Variants in MYO16 observed in about 807,000 individuals in gnomAD.
MYO16 encodes myosin XVI.
Under a neutral mutation model 205.3 loss-of-function variants are expected in MYO16, and 94 were observed. That is an observed-to-expected ratio of 0.46 (90% CI 0.39 to 0.54). The LOEUF (loss-of-function observed/expected upper bound fraction) is 0.54, where lower values mean the gene tolerates loss of function less well. Among genes scored for constraint, MYO16 ranks in the 20% least tolerant of loss-of-function variants. MYO16 has a pLI of 0.00. For missense variants in MYO16, 2,315 were observed against 2,387.5 expected, an observed-to-expected ratio of 0.97 and a Z score of 0.63; for synonymous variants, 988 against 954.0, an observed-to-expected ratio of 1.04 and a Z score of -0.66.
chr13:108,649,782 G>T (rs1880918249), intron 1 of MYO16, among the ~76,000 whole-genome samples: 1 of 152,108 alleles, frequency 6.6e-6, no homozygotes, highest in Non-Finnish European at 1.5e-5. Context: ...CAATGAGGAG[G>T]GTTCTTATGT....
At chr13:108,820,620 T>G (rs1460848103) in intron 8 of MYO16, among the ~76,000 whole-genome samples, 1 of 151,984 alleles carries the variant, frequency 6.6e-6, no homozygotes, top group Non-Finnish European at 1.5e-5. Context: ...CAAGAGGCTA[T>G]TCACAGTTTA....
At chr13:108,998,156 T>C (rs1324217923) in intron 21 of MYO16, among the ~76,000 whole-genome samples, 1 of 151,502 alleles carries the variant, frequency 6.6e-6, no homozygotes, top group Non-Finnish European at 1.5e-5. Context: ...AAAAATGGAA[T>C]AGTAAATTAA....
intron 4 of MYO16, among the ~76,000 whole-genome samples, chr13:108,755,573 GC>G (rs1885396447): frequency 6.7e-6 from 1 of 149,628 alleles, no homozygotes. Context: ...AAAATCAAAG[GC>G]ATAGATCCTA....
intron 27 of MYO16, among the ~76,000 whole-genome samples, chr13:109,086,805 A>G (rs1379458020): frequency 1.3e-5 from 2 of 152,152 alleles, no homozygotes; most frequent in South Asian, 2.1e-4. Context: ...CTCAAAGGCA[A>G]CAGATCTATA....
intron 2 of MYO16, among the ~76,000 whole-genome samples, chr13:108,673,114 G>T (rs1482554769): frequency 6.6e-6 from 1 of 152,130 alleles, no homozygotes; most frequent in African/African-American, 2.4e-5. Flanking sequence ...CTACCTCAGG[G>T]CTTCCTGAGT....
chr13:108,601,375 A>T (rs531059334), intron 1 of MYO16, among the ~76,000 whole-genome samples: 35 of 152,268 alleles, frequency 2.3e-4, no homozygotes, highest in African/African-American at 7.9e-4. Context: ...AGATATTTTT[A>T]AAAAATGAGA....
chr13:108,750,681 C>T (rs1202821827), intron 4 of MYO16, among the ~76,000 whole-genome samples: 1 of 151,200 alleles, frequency 6.6e-6, no homozygotes, highest in Non-Finnish European at 1.5e-5. Flanking sequence ...GTGGCGTGCA[C>T]CTATAATCCC....
intron 16 of MYO16, among the ~76,000 whole-genome samples, chr13:108,933,968 A>G (rs963510047): frequency 1.3e-5 from 2 of 152,142 alleles, no homozygotes; most frequent in African/African-American, 4.8e-5. Flanking sequence ...TCCATGGTGT[A>G]TATGTACCAC....
At chr13:108,620,938 C>G (rs1879518741) in intron 1 of MYO16, among the ~76,000 whole-genome samples, 1 of 152,204 alleles carries the variant, frequency 6.6e-6, no homozygotes, top group South Asian at 2.1e-4. Context: ...CACCCCGCAG[C>G]CTGGCCTCTA....
At chr13:108,814,846 G>A (rs1474967785) in intron 7 of MYO16, among the ~76,000 whole-genome samples, 1 of 152,134 alleles carries the variant, frequency 6.6e-6, no homozygotes, top group Non-Finnish European at 1.5e-5. Context: ...CAGCATGAAT[G>A]AAAAATGCCA....
intron 7 of MYO16, among the ~76,000 whole-genome samples, chr13:108,815,003 C>CA (rs1875486548): frequency 1.3e-5 from 2 of 152,060 alleles, no homozygotes; most frequent in Non-Finnish European, 2.9e-5. Flanking sequence ...AAAGAATCTC[C>CA]AAAAAACTTT....
chr13:108,593,557 G>T (rs1302896488), upstream of MYO16, among the ~76,000 whole-genome samples: 2 of 152,162 alleles, frequency 1.3e-5, no homozygotes, highest in Admixed American at 1.3e-4. Context: ...TTGAAAGTGG[G>T]AAATAAAGAC....
intron 27 of MYO16, among the ~76,000 whole-genome samples, chr13:109,076,184 G>C (rs540036983): frequency 3.6e-4 from 54 of 151,816 alleles, no homozygotes; most frequent in Non-Finnish European, 6.9e-4. Flanking sequence ...TTTATTTATT[G>C]AAAGAAAAAG....
At chr13:108,556,608 C>A in the MYO16 span, among the ~76,000 whole-genome samples, 1 of 152,010 alleles carries the variant, frequency 6.6e-6, no homozygotes, top group East Asian at 1.9e-4. Flanking sequence ...TGATTGTTTC[C>A]TTTTCTATGA....
intron 27 of MYO16, among the ~76,000 whole-genome samples, chr13:109,067,732 G>A (rs776297739): frequency 1.3e-5 from 2 of 152,080 alleles, no homozygotes; most frequent in South Asian, 2.1e-4. Context: ...AGAGTTTCCT[G>A]GACTGCAGCC....
At chr13:109,202,376 G>A (rs1278370220) in intron 34 of MYO16, among the ~76,000 whole-genome samples, 3 of 152,012 alleles carry the variant, frequency 2.0e-5, no homozygotes, top group African/African-American at 7.2e-5. Context: ...ATTATTTTCT[G>A]ATTTTTTGAT....
intron 27 of MYO16, among the ~76,000 whole-genome samples, chr13:109,060,382 G>A (rs752830025): frequency 2.0e-5 from 3 of 151,832 alleles, no homozygotes; most frequent in African/African-American, 4.8e-5. Context: ...ACTGACACAG[G>A]AGCAGAAAAC....
the MYO16 span, among the ~76,000 whole-genome samples, chr13:108,564,473 T>C: frequency 6.6e-6 from 1 of 152,196 alleles, no homozygotes; most frequent in East Asian, 1.9e-4. Context: ...CCGGTCCCTA[T>C]TGCCCATTTT....
chr13:109,056,101 A>G (rs1887410145), intron 27 of MYO16: 1 of 157,720 alleles, frequency 6.3e-6, no homozygotes, highest in Non-Finnish European at 1.4e-5. Context: ...TTGCACTGCA[A>G]TAGAGATAGA....
Sources: allele counts gnomAD v4.1 joint callset (sites outside exome capture counted in the v4.1 genomes callset), GRCh38; gene constraint gnomAD v4.1.1; transcripts MANE v1.5; gene names NCBI Gene and HGNC (gene_info 2026-07-23, HGNC 2026-07-21).